The following ITFG1 variants were observed in gnomAD, a reference collection of about 807,000 sequenced individuals.
The protein encoded by ITFG1 is integrin alpha FG-GAP repeat containing 1, also known as T-cell immunomodulatory protein.
ITFG1 carries 34 observed loss-of-function variants against 81.8 expected under a neutral mutation model. The observed-to-expected ratio is 0.42, with a 90% CI of 0.32 to 0.55. The LOEUF is 0.55. ITFG1 is among the 20% of genes least tolerant of loss of function. ITFG1 has a pLI of 0.17. For missense variants in ITFG1, 672 were observed against 755.4 expected, an observed-to-expected ratio of 0.89 and a Z score of 1.29; for synonymous variants, 285 against 270.6, an observed-to-expected ratio of 1.05 and a Z score of -0.52.
intron 2 of ITFG1, 114 bp downstream of exon 2, chr16:47,458,989 G>A (rs966569761): frequency 4.7e-6 from 3 of 643,936 alleles, no homozygotes; most frequent in Non-Finnish European, 8.2e-6. Context: ...CTCACAAACA[G>A]TGGTTTTGCA....
intron 6 of ITFG1, among the ~76,000 whole-genome samples, chr16:47,404,377 G>A (rs1401657464): frequency 6.6e-6 from 1 of 152,096 alleles, no homozygotes; most frequent in East Asian, 1.9e-4. Context: ...GAAATTTAGT[G>A]AAAAATGAAG....
At chr16:47,438,194 C>G (rs905906947) in intron 5 of ITFG1, among the ~76,000 whole-genome samples, 1 of 152,228 alleles carries the variant, frequency 6.6e-6, no homozygotes, top group African/African-American at 2.4e-5. Context: ...GAAGCTCAAA[C>G]TGGGTGGAGG....
chr16:47,395,988 T>C (rs535415158), intron 6 of ITFG1: 1 of 166,336 alleles, frequency 6.0e-6, no homozygotes, highest in Non-Finnish European at 1.2e-5. Context: ...TATCAGTCTC[T>C]TGGTAAAAGC....
At chr16:47,231,343 AG>A (rs2151531814) in intron 13 of ITFG1, among the ~76,000 whole-genome samples, 1 of 152,376 alleles carries the variant, frequency 6.6e-6, no homozygotes, top group East Asian at 1.9e-4. Flanking sequence ...ACATAGTGAA[AG>A]GTCAGAATAT....
chr16:47,286,485 CAAA>C (rs1418421529), intron 10 of ITFG1, among the ~76,000 whole-genome samples: 1 of 151,882 alleles, frequency 6.6e-6, no homozygotes, highest in Non-Finnish European at 1.5e-5. Flanking sequence ...ACTAAAAATA[CAAA>C]AATTAGCTGG....
chr16:47,232,598 G>C (rs1965827532), intron 13 of ITFG1, among the ~76,000 whole-genome samples: 1 of 151,538 alleles, frequency 6.6e-6, no homozygotes. Context: ...TATTTTTGAA[G>C]TTGGGTATGG....
intron 5 of ITFG1, among the ~76,000 whole-genome samples, chr16:47,451,160 T>C (rs1222311744): frequency 6.6e-6 from 1 of 152,168 alleles, no homozygotes; most frequent in Non-Finnish European, 1.5e-5. Context: ...AATATTTAAA[T>C]GGGGACCCGT....
intron 7 of ITFG1, among the ~76,000 whole-genome samples, chr16:47,369,833 C>CTTTTTTTTTTTTTTTTT: frequency 1.9e-5 from 1 of 51,708 alleles, no homozygotes; most frequent in Non-Finnish European, 3.4e-5. Flanking sequence ...TCAATATCCT[C>CTTTTTTTTTTTTTTTTT]TTTTTTTTTT....
chr16:47,283,584 G>T (rs530120025), intron 10 of ITFG1, among the ~76,000 whole-genome samples: 31 of 152,326 alleles, frequency 2.0e-4, no homozygotes, highest in Admixed American at 5.2e-4. Flanking sequence ...ATGGGGCCAT[G>T]AGCCAAGGAA....
At chr16:47,365,297 A>G (rs768530384) in intron 8 of ITFG1, among the ~76,000 whole-genome samples, 6 of 152,226 alleles carry the variant, frequency 3.9e-5, no homozygotes, top group Non-Finnish European at 8.8e-5. Context: ...TTCCTGACCA[A>G]TGTGAACTTG....
intron 6 of ITFG1, among the ~76,000 whole-genome samples, chr16:47,388,000 C>T (rs577482820): frequency 1.5e-4 from 22 of 150,094 alleles, no homozygotes; most frequent in African/African-American, 4.9e-4. Flanking sequence ...ATAAAATATC[C>T]ATAGACAGAA....
intron 14 of ITFG1, among the ~76,000 whole-genome samples, chr16:47,217,650 T>G (rs887318847): frequency 6.6e-6 from 1 of 152,180 alleles, no homozygotes; most frequent in Admixed American, 6.5e-5. Context: ...TGTGGCCAGG[T>G]GCAGTGGCTC....
At chr16:47,230,152 T>G (rs1567429993) in intron 13 of ITFG1, among the ~76,000 whole-genome samples, 1 of 152,184 alleles carries the variant, frequency 6.6e-6, no homozygotes, top group African/African-American at 2.4e-5. Context: ...GGGACTATTG[T>G]ATATATAGTG....
intron 6 of ITFG1, among the ~76,000 whole-genome samples, chr16:47,420,564 A>ATGGGGGCAG (rs1232544453): frequency 6.6e-6 from 1 of 152,180 alleles, no homozygotes; most frequent in African/African-American, 2.4e-5. Context: ...ATCCCTTATG[A>ATGGGGGCAG]ATGTCTTGGT....
At chr16:47,171,926 A>C (rs1161454038) in intron 14 of ITFG1, among the ~76,000 whole-genome samples, 2 of 152,150 alleles carry the variant, frequency 1.3e-5, no homozygotes, top group East Asian at 3.9e-4. Flanking sequence ...ATTTGGTTAG[A>C]GATTTTCTTT....
intron 12 of ITFG1, among the ~76,000 whole-genome samples, chr16:47,238,968 C>G (rs1965904339): frequency 2.0e-5 from 3 of 152,108 alleles, no homozygotes; most frequent in Non-Finnish European, 4.4e-5. Flanking sequence ...TTTGTGAAGA[C>G]AGTAAGTCAC....
intron 6 of ITFG1, among the ~76,000 whole-genome samples, chr16:47,396,521 A>G (rs1567485544): frequency 8.0e-6 from 1 of 124,626 alleles, no homozygotes; most frequent in African/African-American, 4.5e-5. Context: ...CCTAATAATT[A>G]TTTTGTGTGT....
intron 10 of ITFG1, among the ~76,000 whole-genome samples, chr16:47,305,529 C>T (rs1452779977): frequency 6.6e-6 from 1 of 151,924 alleles, no homozygotes; most frequent in Non-Finnish European, 1.5e-5. Flanking sequence ...GAGAATGAAA[C>T]AGAAGACAAA....
chr16:47,386,595 C>T (rs570594482), intron 6 of ITFG1, among the ~76,000 whole-genome samples: 1 of 152,304 alleles, frequency 6.6e-6, no homozygotes, highest in South Asian at 2.1e-4. Context: ...AGGGGCCTAG[C>T]GACTCACACA....
Sources: allele counts gnomAD v4.1 joint callset (sites outside exome capture counted in the v4.1 genomes callset), GRCh38; gene constraint gnomAD v4.1.1; transcripts MANE v1.5; gene names NCBI Gene and HGNC (gene_info 2026-07-23, HGNC 2026-07-21).